PPOX: variants seen among roughly 807,000 people sequenced by gnomAD.
The protein encoded by PPOX is protoporphyrinogen oxidase.
PPOX carries 23 observed loss-of-function variants against 54.1 expected under a neutral mutation model. The ratio of observed to expected loss-of-function variants is 0.43; its 90% CI spans 0.31 to 0.60. The LOEUF (loss-of-function observed/expected upper bound fraction) is 0.60, where lower values mean the gene tolerates loss of function less well. PPOX is among the 20% of genes least tolerant of loss of function. The pLI is 0.13. For synonymous variants in PPOX, 224 were observed against 236.1 expected, an observed-to-expected ratio of 0.95 and a Z score of 0.47; for missense variants, 512 against 601.1, an observed-to-expected ratio of 0.85 and a Z score of 1.55.
At chr1:161,172,360 G>C (rs1232644949), downstream of PPOX, 1 of 1,582,788 alleles carries the variant, frequency 6.3e-7, no homozygotes, top group Admixed American at 1.7e-5. Context: ...TATCATGGGG[G>C]ATCCAGAGTA....
chr1:161,175,971 G>T (rs2101974076), downstream of PPOX: 1 of 1,614,094 alleles, frequency 6.2e-7, no homozygotes, highest in East Asian at 2.2e-5. Flanking sequence ...GACTTCGGAA[G>T]CCCCCCAGTG....
Position 161,166,872 on chromosome 1 carries a change from G to T in PPOX, c.25G>T (p.Gly9Cys). The change falls in exon 2 of 13, where the codon GGC becomes TGC. Residue 9 changes from glycine to cysteine, a missense_variant. Coordinates refer to ENST00000367999, the MANE Select transcript of PPOX (RefSeq NM_001122764.3). The part of the protein sequence containing the change: MGRTVVVL[G>C]GGISGLAASY... ...CATGGGCCGGACCGTGGTCGTGCTG[G>T]GCGGAGGCATCAGCGGCTTGGCCGC... 1 of 1,613,794 alleles carries T rather than the reference G, an allele frequency of 6.2e-7. No homozygotes were observed. The highest frequency in any genetic ancestry group is 8.5e-7 in the Non-Finnish European group (1 of 1,180,032).
chr1:161,167,053 C>G lies in PPOX; in HGVS notation c.88-47C>G, dbSNP rs2301287. On this transcript the variant is annotated intron_variant, in intron 2 of 12. Transcript: ENST00000367999. ...CTTCCCCTCCCCTCCTGACCTCTCG[C>G]CGGCGGCTACAGGCGGTGCTGCAGT... 603,214 of 1,613,644 alleles carry G rather than the reference C, an allele frequency of 0.37. 113,517 individuals carry two copies. The highest frequency in any genetic ancestry group is 0.47 in the East Asian group (20,878 of 44,844).
rs1398532099 is a variant in PPOX, at chr1:161,170,347, G to T, written c.988-62G>T. The T allele has an allele frequency of 3.7e-6, 3 of 816,530 alleles. No individual in the cohort carries two copies. The African/African-American group carries it at 5.8e-5, about 16-fold the overall frequency. The allele number at this position is 816,530 out of a possible 1,614,324, so 50.6% of individuals were successfully genotyped here. A position where few individuals can be genotyped will look rare whatever the true frequency, so the allele number is the denominator to read the frequency against. On this transcript the variant is annotated intron_variant, in intron 9 of 12. Coordinates refer to ENST00000367999, the MANE Select transcript of PPOX (RefSeq NM_001122764.3). ...CCCCCCCACCCCCCCAAAAAAATGG[G>T]AAGGAGAGACAGCCTCAGCTAGAGC... is the stretch of plus-strand genomic sequence containing the variant.
At position 161,170,774 on chromosome 1, in the gene PPOX, G is replaced by C. The variant is rs140861330; in HGVS notation, c.1248+5G>C. 628 of 1,614,146 alleles carry C rather than the reference G, an allele frequency of 3.9e-4. 4 individuals carry two copies. The African/African-American group carries it at 7.4e-3, about 19-fold the overall frequency. ...TGCTTGGTCCATCTACACAAGGTAAGTTGGGATAAACTTCCCTCAGCTCTC... is the reference window on the plus strand; with the variant it reads ...TGCTTGGTCCATCTACACAAGGTAACTTGGGATAAACTTCCCTCAGCTCTC... On this transcript the variant is annotated splice_donor_5th_base_variant and intron_variant, in intron 11 of 12. Coordinates refer to ENST00000367999, the MANE Select transcript of PPOX (RefSeq NM_001122764.3).
chr1:161,175,222 G>A (rs747202115), downstream of PPOX: 1 of 1,612,262 alleles, frequency 6.2e-7, no homozygotes, highest in South Asian at 1.1e-5. Flanking sequence ...CACCGACACA[G>A]GACCCACTGT....
At chr1:161,177,470 G>C (rs531208252), downstream of PPOX, 2 of 172,916 alleles carry the variant, frequency 1.2e-5, no homozygotes, top group South Asian at 2.3e-4. Flanking sequence ...AGCCGGGCAG[G>C]CATCGCTGCC....
At position 161,169,132 on chromosome 1, in the gene PPOX, CAG is replaced by C; in HGVS notation, c.759_760del (p.Gly254ProfsTer26). 1 of 1,614,198 alleles carries C rather than the reference CAG, an allele frequency of 6.2e-7. No individual in the cohort carries two copies. Among genetic ancestry groups the C allele is most frequent in the Non-Finnish European group, 8.5e-7 (1 of 1,180,050 alleles). On this transcript the variant is annotated frameshift_variant, in exon 7 of 13. Transcript: ENST00000367999. LOFTEE classifies it high-confidence loss of function. The stretch of plus-strand genomic sequence containing the variant: ...TGACTAGTAGGGGGGTCAGTGTTCT[CAG>C]AGGCCAGCCGGTCTGTGGGCTCAGC... ...HLTSRGVSVL[R>X]GQPVCGLSLQ...
downstream of PPOX, chr1:161,175,996 A>C: frequency 6.2e-7 from 1 of 1,614,092 alleles, no homozygotes; most frequent in African/African-American, 1.3e-5. Flanking sequence ...GTACATCATG[A>C]CAGCCAGCTG....
At chr1:161,176,949 A>T in exon 5 of PPOX, 1 of 1,536,094 alleles carries the variant, frequency 6.5e-7, no homozygotes, top group Non-Finnish European at 8.7e-7. Flanking sequence ...TCTATTCTTC[A>T]TGTGCCTGGG....
downstream of PPOX, chr1:161,172,450 G>C (rs908441320): frequency 2.7e-5 from 22 of 801,076 alleles, 1 homozygote; most frequent in Non-Finnish European, 4.3e-5. Context: ...GAAAAAAAAA[G>C]CCCAGGACAG....
At chr1:161,172,458 C>A, downstream of PPOX, 1 of 774,756 alleles carries the variant, frequency 1.3e-6, no homozygotes, top group South Asian at 1.9e-5. Flanking sequence ...AAGCCCAGGA[C>A]AGAAGTCAAA....
upstream of PPOX, chr1:161,166,143 C>A (rs1261000945): frequency 1.0e-6 from 1 of 985,170 alleles, no homozygotes; most frequent in Non-Finnish European, 1.2e-6. Flanking sequence ...CTGCGGCCTT[C>A]CCTCTAGGGT....
At chr1:161,169,567 G>T in intron 7 of PPOX, 93 bp from the exon 8 acceptor site, 1 of 1,314,556 alleles carries the variant, frequency 7.6e-7, no homozygotes, top group Middle Eastern at 2.0e-4. Context: ...GGCCACATGG[G>T]TGCCTGGGAA....
chr1:161,174,972 T>G, downstream of PPOX: 1 of 1,608,346 alleles, frequency 6.2e-7, no homozygotes, highest in Non-Finnish European at 8.5e-7. Flanking sequence ...TCAGTCAAAA[T>G]GAGGTGGAGA....
intron 9 of PPOX, 88 bp from the exon 10 acceptor site, chr1:161,170,321 T>TGGGGGGGCCCCCCCC: frequency 2.7e-6 from 1 of 367,762 alleles, no homozygotes; most frequent in Non-Finnish European, 5.3e-6. Flanking sequence ...TGAGACTCTG[T>TGGGGGGGCCCCCCCC]CCCCCCCACC....
At chr1:161,168,340 T>C in intron 5 of PPOX, 92 bp from the exon 6 acceptor site, 1 of 1,548,932 alleles carries the variant, frequency 6.5e-7, no homozygotes, top group Non-Finnish European at 8.8e-7. Flanking sequence ...ACCCAAACCC[T>C]ATCCCACCCT....
intron 7 of PPOX, chr1:161,169,455 G>A (rs1660354935): frequency 1.4e-6 from 1 of 710,942 alleles, no homozygotes; most frequent in South Asian, 1.7e-5. Flanking sequence ...CAGCCACACT[G>A]GCCTGTCTGG....
intron 5 of PPOX, 87 bp downstream of exon 5, chr1:161,168,214 C>A (rs1659811337): frequency 1.2e-6 from 2 of 1,603,212 alleles, no homozygotes; most frequent in Non-Finnish European, 1.7e-6. Flanking sequence ...AGGGGCTCTT[C>A]TGTATCATTT....
Sources: gnomAD v4.1 joint callset for allele counts on GRCh38, gnomAD v4.1.1 for gene constraint, MANE v1.5 for transcripts, NCBI Gene and HGNC (gene_info 2026-07-23, HGNC 2026-07-21) for gene names.